CHLSN: variants seen among roughly 807,000 people sequenced by gnomAD.
CHLSN encodes the protein cholesin.
chr7:1,032,711 G>T, the CHLSN span, among the ~76,000 whole-genome samples: 1 of 152,244 alleles, frequency 6.6e-6, no homozygotes, highest in South Asian at 2.1e-4. Flanking sequence ...GGTGACAGTG[G>T]TGCCCTTGGG....
chr7:1,111,608 T>C, the CHLSN span, among the ~76,000 whole-genome samples: 1 of 152,188 alleles, frequency 6.6e-6, no homozygotes, highest in East Asian at 1.9e-4. Flanking sequence ...AAGACCAGCC[T>C]AGGCAACGTA....
the CHLSN span, among the ~76,000 whole-genome samples, chr7:979,579 C>T: frequency 2.0e-5 from 3 of 152,064 alleles, no homozygotes; most frequent in East Asian, 3.9e-4. Flanking sequence ...TGGTGAAACC[C>T]CGTCTCTACT....
the CHLSN span, chr7:1,024,454 A>T: frequency 6.6e-6 from 1 of 152,236 alleles, no homozygotes; most frequent in African/African-American, 2.4e-5. Context: ...GCCCCAGGGG[A>T]CAAGAGAGAC....
chr7:1,006,216 G>T, the CHLSN span, among the ~76,000 whole-genome samples: 1 of 152,194 alleles, frequency 6.6e-6, no homozygotes, highest in Non-Finnish European at 1.5e-5. Flanking sequence ...AGAGCAACAC[G>T]GCTCTGAGCT....
chr7:1,093,175 C>T, the CHLSN span: 2 of 562,702 alleles, frequency 3.6e-6, no homozygotes, highest in Non-Finnish European at 7.0e-6. Flanking sequence ...CTGCCTGCCG[C>T]TGCAGGAAAC....
chr7:984,532 C>T, the CHLSN span: 23 of 1,554,784 alleles, frequency 1.5e-5, no homozygotes, highest in Non-Finnish European at 1.7e-5. Flanking sequence ...GCTGGCCGAC[C>T]GGCCTCCCAT....
At chr7:1,128,320 G>A in the CHLSN span, among the ~76,000 whole-genome samples, 191 of 11,352 alleles carry the variant, frequency 0.017, 4 homozygotes, top group East Asian at 0.18. Context: ...TCATCCCACC[G>A]TCACCCGGGC....
chr7:1,136,584 A>AT, the CHLSN span, among the ~76,000 whole-genome samples: 2 of 135,094 alleles, frequency 1.5e-5, no homozygotes, highest in South Asian at 2.2e-4. Context: ...AAACATATAT[A>AT]AACATATATA....
chr7:1,136,387 AAC>A, the CHLSN span, among the ~76,000 whole-genome samples: 6 of 26,548 alleles, frequency 2.3e-4, no homozygotes, highest in African/African-American at 2.6e-3. Context: ...TAAATATATA[AAC>A]ATATATATAA....
chr7:1,015,816 C>A, the CHLSN span, among the ~76,000 whole-genome samples: 11 of 152,206 alleles, frequency 7.2e-5, no homozygotes, highest in Non-Finnish European at 1.0e-4. Context: ...CAGCTCCTCA[C>A]CCACGGTGAA....
the CHLSN span, among the ~76,000 whole-genome samples, chr7:1,136,277 AATAT>A: frequency 8.8e-6 from 1 of 113,922 alleles, no homozygotes; most frequent in Non-Finnish European, 1.6e-5. Flanking sequence ...AAATATATAA[AATAT>A]ATATAAATAT....
the CHLSN span, among the ~76,000 whole-genome samples, chr7:1,055,873 A>G: frequency 1.3e-5 from 2 of 152,194 alleles, no homozygotes; most frequent in Non-Finnish European, 2.9e-5. Context: ...ACCCAGTCAC[A>G]GTGGCCTGTG....
the CHLSN span, among the ~76,000 whole-genome samples, chr7:1,015,201 G>T: frequency 6.6e-6 from 1 of 152,166 alleles, no homozygotes. Flanking sequence ...AATTGTTTGG[G>T]GGGGCTGAGG....
the CHLSN span, chr7:984,424 T>C: frequency 1.3e-6 from 2 of 1,548,110 alleles, no homozygotes; most frequent in Non-Finnish European, 1.7e-6. Context: ...CTCAGAACGC[T>C]ACGGGCCGGT....
the CHLSN span, among the ~76,000 whole-genome samples, chr7:1,012,128 G>A: frequency 1.3e-5 from 2 of 152,216 alleles, no homozygotes; most frequent in African/African-American, 2.4e-5. Flanking sequence ...GCCCAGCCTC[G>A]GCCCCCACTC....
chr7:1,015,263 A>G, the CHLSN span, among the ~76,000 whole-genome samples: 1 of 151,816 alleles, frequency 6.6e-6, no homozygotes, highest in Non-Finnish European at 1.5e-5. Flanking sequence ...CCTGTCCCTG[A>G]GGCATGAGAG....
the CHLSN span, chr7:997,688 G>A: frequency 1.9e-5 from 31 of 1,611,128 alleles, no homozygotes; most frequent in Non-Finnish European, 2.0e-5. Context: ...GGGGATCAGA[G>A]CCCTCCTCAT....
the CHLSN span, among the ~76,000 whole-genome samples, chr7:1,083,399 T>C: frequency 6.7e-6 from 1 of 150,308 alleles, no homozygotes; most frequent in Admixed American, 6.6e-5. Flanking sequence ...GTGAGGCGGG[T>C]GGATCACGAG....
chr7:1,025,467 G>C, the CHLSN span: 1 of 152,426 alleles, frequency 6.6e-6, no homozygotes, highest in African/African-American at 2.4e-5. Flanking sequence ...AGGTGCACAA[G>C]TCAGGTCAGG....
Sources: gnomAD v4.1 joint callset for allele counts (sites outside exome capture counted in the v4.1 genomes callset) on GRCh38, gnomAD v4.1.1 for gene constraint, MANE v1.5 for transcripts, NCBI Gene and HGNC (gene_info 2026-07-23, HGNC 2026-07-21) for gene names.